The following MRPL47 variants were observed in gnomAD, a reference collection of about 807,000 sequenced individuals.
The protein encoded by MRPL47 is large ribosomal subunit protein uL29m.
In MRPL47, 31 loss-of-function variants were observed where a neutral mutation model predicts 34.0. The ratio of observed to expected loss-of-function variants is 0.91; its 90% CI spans 0.68 to 1.23. The LOEUF (loss-of-function observed/expected upper bound fraction) is 1.23, where lower values mean the gene tolerates loss of function less well. Among genes scored for constraint, MRPL47 ranks in the 50% most tolerant of loss-of-function variants. The pLI, the probability that MRPL47 is intolerant of heterozygous loss-of-function variation, is 0.00. For synonymous variants in MRPL47, 106 were observed against 101.6 expected (o/e 1.04, Z -0.26); for missense variants, 328 against 285.8 (o/e 1.15, Z -1.07).
At chr3:179,591,284 C>T (rs1718666700) in intron 6 of MRPL47, among the ~76,000 whole-genome samples, 1 of 152,150 alleles carries the variant, frequency 6.6e-6, no homozygotes, top group Admixed American at 6.5e-5. Flanking sequence ...TTCCTCTGCC[C>T]TGTCTCTCTC....
intron 4 of MRPL47, among the ~76,000 whole-genome samples, chr3:179,596,203 T>C (rs1195354660): frequency 1.3e-5 from 2 of 152,208 alleles, no homozygotes; most frequent in Non-Finnish European, 2.9e-5. Flanking sequence ...TAAGTAAAAT[T>C]TGTCTGTAAT....
Position 179,601,777 on chromosome 3 carries a change from G to A in MRPL47, c.258C>T (p.Thr86=). The A allele has an allele frequency of 6.2e-7, 1 of 1,608,872 alleles. No individual in the cohort carries two copies. The highest frequency in any genetic ancestry group is 1.1e-5 in the South Asian group (1 of 90,728). Residue 86 remains threonine (T), a synonymous_variant, in exon 3 of 7, where the codon ACC becomes ACT. Transcript: ENST00000476781. ...TACTTTTGTTCCTTAGTTGCTGACA[G>A]GTCCATGCTGCTCCTATTAAAATAA... The part of the protein sequence containing the change: ...QEKVKSGAAW[T]CQQLRNKSNE...
chr3:179,588,877 C>CCT lies in MRPL47; in HGVS notation c.747_748insAG (p.Val250ArgfsTer16). On this transcript the variant is annotated frameshift_variant, in exon 7 of 7. Coordinates refer to ENST00000476781, the MANE Select transcript of MRPL47 (RefSeq NM_020409.3). LOFTEE classifies it high-confidence loss of function. ...AATTTAATAGTTCAGACATCTTAGA[C>CCT]AAGACTTGACTTTTGGGCTTCAGCA... The CCT allele has an allele frequency of 6.2e-7, 1 of 1,613,090 alleles. No homozygotes were observed. Among genetic ancestry groups the CCT allele is most frequent in the Non-Finnish European group, 8.5e-7 (1 of 1,179,568 alleles).
intron 4 of MRPL47, among the ~76,000 whole-genome samples, chr3:179,596,333 A>T (rs976790563): frequency 6.6e-6 from 1 of 152,002 alleles, no homozygotes; most frequent in East Asian, 1.9e-4. Context: ...TATATTGAGA[A>T]TTTTTTTTAC....
chr3:179,593,477 C>G (rs1718720293), intron 5 of MRPL47, among the ~76,000 whole-genome samples: 1 of 152,168 alleles, frequency 6.6e-6, no homozygotes, highest in Non-Finnish European at 1.5e-5. Flanking sequence ...TCATCAAATT[C>G]TCAAAAGGCC....
At chr3:179,604,133 T>C (rs1045389168) in intron 1 of MRPL47, among the ~76,000 whole-genome samples, 35 of 152,198 alleles carry the variant, frequency 2.3e-4, no homozygotes, top group Admixed American at 6.5e-5. Flanking sequence ...ACACATCCTG[T>C]AAATACAAAT....
Position 179,588,614 on chromosome 3 carries a change from G to GCAGGTGACATTTAAAGC in MRPL47, c.*241_*257dup, listed in dbSNP as rs1718583640. The stretch of plus-strand genomic sequence containing the variant: ...ACCATCACCTTCACACTCTAAGGTA[G>GCAGGTGACATTTAAAGC]CAGGTGACATTTAAAGCCTGCTTAA... On this transcript the variant is annotated 3_prime_UTR_variant, in exon 7 of 7. Transcript: ENST00000476781. The GCAGGTGACATTTAAAGC allele has an allele frequency of 3.5e-6, 1 of 287,496 alleles. No homozygotes were observed. The highest frequency in any genetic ancestry group is 6.5e-6 in the Non-Finnish European group (1 of 152,932). 17.8% of individuals were successfully genotyped at this position (287,496 alleles called of 1,614,324 possible). A position where few individuals can be genotyped will look rare whatever the true frequency, so the allele number is the denominator to read the frequency against.
intron 4 of MRPL47, among the ~76,000 whole-genome samples, chr3:179,595,558 C>T (rs1408898528): frequency 2.0e-5 from 3 of 152,166 alleles, no homozygotes; most frequent in African/African-American, 7.2e-5. Context: ...TTATATAAAA[C>T]TCTCTAATCT....
chr3:179,600,674 C>T (rs897052349), intron 3 of MRPL47, among the ~76,000 whole-genome samples: 2 of 151,978 alleles, frequency 1.3e-5, no homozygotes, highest in African/African-American at 4.8e-5. Flanking sequence ...CAAATGTCTA[C>T]TAGAGTCCCT....
intron 5 of MRPL47, 106 bp downstream of exon 5, chr3:179,593,659 A>G (rs1718723973): frequency 3.0e-6 from 3 of 1,014,704 alleles, no homozygotes; most frequent in South Asian, 4.0e-5. Flanking sequence ...CATATCTCTA[A>G]TATTATCTCA....
chr3:179,603,533 T>C (rs1487356407), intron 1 of MRPL47, among the ~76,000 whole-genome samples: 1 of 152,156 alleles, frequency 6.6e-6, no homozygotes, highest in Non-Finnish European at 1.5e-5. Context: ...AGTCAGTCCC[T>C]GTCTCAAAAA....
chr3:179,590,197 G>A (rs1189838536), intron 6 of MRPL47, among the ~76,000 whole-genome samples: 1 of 152,110 alleles, frequency 6.6e-6, no homozygotes, highest in African/African-American at 2.4e-5. Context: ...AAATTAGCCA[G>A]GCGTGGTGGC....
Position 179,593,824 on chromosome 3 carries a change from A to T in MRPL47, c.474T>A (p.Thr158=). Reference sequence around the variant, plus strand: ...CACCAGGTCTAGCTCTTTCTTGACCAGTCTGAAGAAGCCTTAGGGCATCTT... The same window carrying T: ...CACCAGGTCTAGCTCTTTCTTGACCTGTCTGAAGAAGCCTTAGGGCATCTT... The part of the protein sequence containing the change: ...EREDALRLLQ[T]GQERARPGAW... The change falls in exon 5 of 7, where the codon ACT becomes ACA. Residue 158 remains threonine, a synonymous_variant. Coordinates refer to ENST00000476781, the MANE Select transcript of MRPL47 (RefSeq NM_020409.3). 1 of 1,613,766 alleles carries T rather than the reference A, an allele frequency of 6.2e-7. No individual in the cohort carries two copies. Among genetic ancestry groups the T allele is most frequent in the Non-Finnish European group, 8.5e-7 (1 of 1,179,696 alleles).
chr3:179,598,911 C>A (rs1188930511), intron 3 of MRPL47, 140 bp from the exon 4 acceptor site: 3 of 588,978 alleles, frequency 5.1e-6, no homozygotes, highest in Middle Eastern at 3.3e-4. Context: ...GTAATCCCAG[C>A]ACTTTGGGAG....
chr3:179,601,641 A>G (rs888948012), intron 3 of MRPL47, 89 bp downstream of exon 3: 12 of 806,674 alleles, frequency 1.5e-5, no homozygotes, highest in East Asian at 2.5e-5. Context: ...GCTTTACTCA[A>G]TTTCTTATAT....
chr3:179,589,133 T>G, intron 6 of MRPL47, 138 bp from the exon 7 acceptor site: 1 of 791,838 alleles, frequency 1.3e-6, no homozygotes, highest in Non-Finnish European at 1.9e-6. Context: ...TATATATTAT[T>G]AAACTTGAAT....
At chr3:179,600,930 T>C (rs907368690) in intron 3 of MRPL47, among the ~76,000 whole-genome samples, 1 of 152,086 alleles carries the variant, frequency 6.6e-6, no homozygotes. Flanking sequence ...ACAAAACATA[T>C]CTTTGGGCTA....
chr3:179,604,465 T>C, intron 1 of MRPL47, 62 bp downstream of exon 1: 1 of 1,510,384 alleles, frequency 6.6e-7, no homozygotes, highest in Non-Finnish European at 9.1e-7. Flanking sequence ...TCTCGGCATC[T>C]CGGCAACCAA....
chr3:179,589,256 C>G (rs1382373659), intron 6 of MRPL47, among the ~76,000 whole-genome samples: 1 of 152,076 alleles, frequency 6.6e-6, no homozygotes, highest in Non-Finnish European at 1.5e-5. Context: ...ACAAATTGGG[C>G]CTTAAGTTCA....
Sources: allele counts gnomAD v4.1 joint callset (sites outside exome capture counted in the v4.1 genomes callset), GRCh38; gene constraint gnomAD v4.1.1; transcripts MANE v1.5; gene names NCBI Gene and HGNC (gene_info 2026-07-23, HGNC 2026-07-21).